Variants in CNTN4 observed in about 807,000 individuals in gnomAD.
CNTN4 encodes contactin 4, also known as contactin-4.
Under a neutral mutation model 122.5 loss-of-function variants are expected in CNTN4, and 77 were observed. The ratio of observed to expected loss-of-function variants is 0.63; its 90% CI spans 0.52 to 0.76. The LOEUF is 0.76. CNTN4 is among the 30% of genes least tolerant of loss of function. CNTN4 has a pLI of 0.00. For synonymous variants in CNTN4, 512 were observed against 447.0 expected (o/e 1.15, Z -1.83); for missense variants, 1,256 against 1,259.1 (o/e 1.00, Z 0.04).
chr3:2,226,595 A>G (rs1299820409), intron 2 of CNTN4, among the ~76,000 whole-genome samples: 3 of 152,192 alleles, frequency 2.0e-5, no homozygotes, highest in South Asian at 4.1e-4. Flanking sequence ...AGGTAGTGGT[A>G]TCTGAGGCAA....
intron 2 of CNTN4, among the ~76,000 whole-genome samples, chr3:2,264,762 T>G (rs919176599): frequency 9.2e-5 from 14 of 152,140 alleles, no homozygotes; most frequent in Admixed American, 7.2e-4. Flanking sequence ...GGTCTTACAT[T>G]TAAGTGTTTA....
intron 3 of CNTN4, among the ~76,000 whole-genome samples, chr3:2,528,317 A>G (rs1269515039): frequency 6.6e-6 from 1 of 152,154 alleles, no homozygotes; most frequent in Non-Finnish European, 1.5e-5. Flanking sequence ...TTTTATTGGA[A>G]TTGGATTTTG....
chr3:2,932,262 C>G (rs1416780283), intron 13 of CNTN4, among the ~76,000 whole-genome samples: 3 of 152,066 alleles, frequency 2.0e-5, no homozygotes, highest in African/African-American at 7.2e-5. Flanking sequence ...CCTGTAGTCC[C>G]AGCTACTCGG....
intron 2 of CNTN4, among the ~76,000 whole-genome samples, chr3:2,221,763 A>G (rs2039069850): frequency 1.3e-5 from 2 of 152,326 alleles, no homozygotes; most frequent in South Asian, 2.1e-4. Context: ...CAAAGAAGAT[A>G]TACTAGTAGC....
intron 4 of CNTN4, among the ~76,000 whole-genome samples, chr3:2,667,382 A>G (rs1422766013): frequency 6.6e-6 from 1 of 152,144 alleles, no homozygotes; most frequent in Non-Finnish European, 1.5e-5. Context: ...GGCTGCATAA[A>G]TGTCTTCTTT....
chr3:2,771,338 A>T (rs898698639), intron 6 of CNTN4, among the ~76,000 whole-genome samples: 1 of 152,202 alleles, frequency 6.6e-6, no homozygotes, highest in African/African-American at 2.4e-5. Flanking sequence ...AGCCAGTGAA[A>T]ATTGAAACTG....
At chr3:2,665,233 A>G (rs2084093457) in intron 4 of CNTN4, among the ~76,000 whole-genome samples, 1 of 152,158 alleles carries the variant, frequency 6.6e-6, no homozygotes, top group African/African-American at 2.4e-5. Context: ...CCTTTTCTTA[A>G]CCAGGCTATA....
At chr3:2,312,549 A>T (rs2042951856) in intron 2 of CNTN4, among the ~76,000 whole-genome samples, 3 of 152,094 alleles carry the variant, frequency 2.0e-5, no homozygotes, top group Non-Finnish European at 4.4e-5. Context: ...TTCTCCCAGG[A>T]GATCCTGAAA....
chr3:2,120,388 T>TATATATAA (rs2033668973), intron 2 of CNTN4, among the ~76,000 whole-genome samples: 1 of 28,090 alleles, frequency 3.6e-5, no homozygotes, highest in African/African-American at 9.2e-5. Context: ...TATATATATA[T>TATATATAA]ATATATATAT....
At chr3:2,326,211 G>C (rs79763248) in intron 2 of CNTN4, among the ~76,000 whole-genome samples, 1 of 152,306 alleles carries the variant, frequency 6.6e-6, no homozygotes, top group Non-Finnish European at 1.5e-5. Flanking sequence ...CCTAGGAAGA[G>C]AGAATTTCCC....
intron 18 of CNTN4, among the ~76,000 whole-genome samples, 154 bp from the exon 19 acceptor site, chr3:3,038,779 G>A (rs773270923): frequency 3.9e-5 from 5 of 129,490 alleles, no homozygotes; most frequent in Admixed American, 2.3e-4. Context: ...AGCGGTCGCC[G>A]TGGGCCCCTT....
Position 2,457,673 on chromosome 3 carries a change from T to C in CNTN4, c.-88-113743T>C, listed in dbSNP as rs146670533. Among the ~76,000 whole-genome samples, 48 of 152,236 alleles carry C rather than the reference T, an allele frequency of 3.2e-4. No homozygotes were observed. In the East Asian group the frequency reaches 8.9e-3, roughly 28 times the overall value. On this transcript the variant is annotated intron_variant, in intron 3 of 24. Coordinates refer to ENST00000418658, the MANE Select transcript of CNTN4 (RefSeq NM_175607.3). ...GGGAGACTAAAACTCCCAGGTCCTT[T>C]TCTCGTGATCTGCTACTGAGTCATA...
intron 2 of CNTN4, among the ~76,000 whole-genome samples, chr3:2,111,216 C>T (rs2032932034): frequency 6.6e-6 from 1 of 152,158 alleles, no homozygotes; most frequent in Non-Finnish European, 1.5e-5. Flanking sequence ...TATATACGCA[C>T]TGTGAGTTCA....
chr3:2,864,354 C>T (rs376936817), intron 7 of CNTN4, among the ~76,000 whole-genome samples: 10 of 152,088 alleles, frequency 6.6e-5, no homozygotes, highest in African/African-American at 2.4e-4. Flanking sequence ...TATCGACTTT[C>T]TGGTTGCTAA....
At chr3:2,214,352 G>T (rs1290783435) in intron 2 of CNTN4, among the ~76,000 whole-genome samples, 3 of 152,144 alleles carry the variant, frequency 2.0e-5, no homozygotes, top group Non-Finnish European at 4.4e-5. Flanking sequence ...GTAGATTATA[G>T]TGACCAGTTT....
chr3:2,693,805 G>T (rs2085869793), intron 4 of CNTN4, among the ~76,000 whole-genome samples: 1 of 152,148 alleles, frequency 6.6e-6, no homozygotes, highest in South Asian at 2.1e-4. Flanking sequence ...CACATCACAA[G>T]AATTCATTGA....
intron 3 of CNTN4, among the ~76,000 whole-genome samples, chr3:2,475,072 TGA>T (rs1282611202): frequency 6.6e-6 from 1 of 152,212 alleles, no homozygotes; most frequent in African/African-American, 2.4e-5. Flanking sequence ...TAAAAATATG[TGA>T]GTTTATTGAA....
At chr3:2,120,386 T>TATATATAA (rs1297620331) in intron 2 of CNTN4, among the ~76,000 whole-genome samples, 57 of 27,642 alleles carry the variant, frequency 2.1e-3, no homozygotes, top group Middle Eastern at 0.018. Flanking sequence ...TATATATATA[T>TATATATAA]ATATATATAT....
chr3:2,821,149 A>G (rs1200162941), intron 7 of CNTN4, among the ~76,000 whole-genome samples: 8 of 151,606 alleles, frequency 5.3e-5, no homozygotes, highest in African/African-American at 1.7e-4. Context: ...TAGAGATAGG[A>G]TTTCACCATG....
Sources: gnomAD v4.1 joint callset for allele counts (sites outside exome capture counted in the v4.1 genomes callset) on GRCh38, gnomAD v4.1.1 for gene constraint, MANE v1.5 for transcripts, NCBI Gene and HGNC (gene_info 2026-07-23, HGNC 2026-07-21) for gene names.